SFXN2: variants seen among roughly 807,000 people sequenced by gnomAD.
SFXN2 encodes the protein sideroflexin-2.
SFXN2 carries 37 observed loss-of-function variants against 41.9 expected under a neutral mutation model. That is an observed-to-expected ratio of 0.88 (90% CI 0.68 to 1.16). The LOEUF is 1.16. SFXN2 is among the 50% of genes most tolerant of loss of function. The pLI is 0.00. For missense variants in SFXN2, 386 were observed against 425.2 expected, an observed-to-expected ratio of 0.91 and a Z score of 0.81; for synonymous variants, 150 against 156.7, an observed-to-expected ratio of 0.96 and a Z score of 0.32.
intron 5 of SFXN2, 132 bp from the exon 6 acceptor site, chr10:102,729,591 C>T: frequency 8.7e-7 from 1 of 1,145,930 alleles, no homozygotes; most frequent in Non-Finnish European, 1.3e-6. Context: ...GTTTGGGGTT[C>T]CCAGACTGGG....
intron 1 of SFXN2, chr10:102,724,913 G>GTTTTTT (rs200568019): frequency 7.0e-6 from 1 of 142,134 alleles, no homozygotes; most frequent in Non-Finnish European, 1.5e-5. Flanking sequence ...TTCAAACTGC[G>GTTTTTT]TTTTTTTTTT....
chr10:102,717,504 C>A (rs924154032), intron 1 of SFXN2, among the ~76,000 whole-genome samples: 1 of 152,068 alleles, frequency 6.6e-6, no homozygotes, highest in Non-Finnish European at 1.5e-5. Context: ...CTACTTTGTT[C>A]CTAGTAGTGG....
intron 9 of SFXN2, among the ~76,000 whole-genome samples, 155 bp from the exon 10 acceptor site, chr10:102,733,399 C>T (rs759219434): frequency 1.3e-5 from 2 of 152,206 alleles, no homozygotes; most frequent in Admixed American, 6.5e-5. Context: ...CTGCCCATCT[C>T]GGTCTCCCAA....
Position 102,728,525 on chromosome 10 carries a change from G to C in SFXN2, c.427G>C (p.Val143Leu), listed in dbSNP as rs1356033298. The change falls in exon 4 of 12, where the codon GTC becomes CTC. Residue 143 changes from valine to leucine, a missense_variant. Val to Leu is a conservative substitution (Grantham distance 32). Coordinates refer to ENST00000369893, the MANE Select transcript of SFXN2 (RefSeq NM_178858.6). ...CAGGAATGCGGCTTCCCCCACATCA[G>C]TCAGGTAGGAGACCTGAACCCCAGG... Reference protein sequence around the residue: ...TNRNAASPTSVRQMALSYFTA... With the variant: ...TNRNAASPTSLRQMALSYFTA... 6.2e-7 allele frequency: 1 copy of C among 1,613,594 alleles called. No individual in the cohort carries two copies. The highest frequency in any genetic ancestry group is 8.5e-7 in the Non-Finnish European group (1 of 1,179,774).
At position 102,732,178 on chromosome 10, in the gene SFXN2, A is replaced by G. The variant is rs780139290; in HGVS notation, c.681A>G (p.Gln227=). The G allele has an allele frequency of 5.6e-6, 9 of 1,614,046 alleles. No individual in the cohort carries two copies. The highest frequency in any genetic ancestry group is 1.7e-4 in the Middle Eastern group (1 of 6,056). ...GAGCTGCGGCCATAGGCATCACCCA[A>G]GTAGTTATTTCTCGGATCACCATGT... The part of the protein sequence containing the change: ...SRRAAAIGIT[Q]VVISRITMSA... Residue 227 remains glutamine (Q), a synonymous_variant, in exon 8 of 12, where the codon CAA becomes CAG. Transcript: ENST00000369893.
At position 102,732,847 on chromosome 10, in the gene SFXN2, G is replaced by T; in HGVS notation, c.722-12G>T. The T allele has an allele frequency of 6.2e-7, 1 of 1,614,004 alleles. No individual in the cohort carries two copies. The highest frequency in any genetic ancestry group is 8.5e-7 in the Non-Finnish European group (1 of 1,179,948). On this transcript the variant is annotated splice_polypyrimidine_tract_variant and intron_variant, in intron 8 of 11. Transcript: ENST00000369893. ...CCAGCCCTCCCCTCAGCTTCTCCCT[G>T]GTCTCTTCCAGTCTTGCTGCCAGTC...
chr10:102,721,128 T>C (rs2064503095), intron 1 of SFXN2, among the ~76,000 whole-genome samples: 1 of 152,182 alleles, frequency 6.6e-6, no homozygotes, highest in Non-Finnish European at 1.5e-5. Context: ...GACTTCAGGA[T>C]TGCCTAGCCA....
rs117788025 is a variant in SFXN2, at chr10:102,726,406, G to C, written c.-25-206G>C. The C allele has an allele frequency of 1.9e-3, 1,064 of 565,138 alleles. 14 individuals carry two copies. The East Asian group carries it at 0.02, about 11-fold the overall frequency. The allele number at this position is 565,138 out of a possible 1,614,324, so 35.0% of individuals were successfully genotyped here. On this transcript the variant is annotated intron_variant, in intron 1 of 11. Coordinates refer to ENST00000369893, the MANE Select transcript of SFXN2 (RefSeq NM_178858.6). ...CCCTCCTGCTGTATGGTCAAGCACA[G>C]AGCTGGCCACCAGCAGGCCCTCAGG...
At chr10:102,718,210 T>C (rs2064446146) in intron 1 of SFXN2, among the ~76,000 whole-genome samples, 2 of 152,244 alleles carry the variant, frequency 1.3e-5, no homozygotes, top group Admixed American at 6.5e-5. Context: ...TTGATGATAG[T>C]CCCTCCATTC....
intron 1 of SFXN2, among the ~76,000 whole-genome samples, chr10:102,721,930 G>A (rs936895686): frequency 5.3e-5 from 8 of 152,024 alleles, no homozygotes; most frequent in African/African-American, 9.7e-5. Flanking sequence ...TTAACATTCC[G>A]CTTCTTTGAA....
chr10:102,726,972 G>C lies in SFXN2; in HGVS notation c.162-15G>C. On this transcript the variant is annotated splice_polypyrimidine_tract_variant and intron_variant, in intron 2 of 11. Transcript: ENST00000369893. ...TCAGGCAGGATGGTGACTGCCTGCTGTCCTTGGGTGGCAGGATGGGGGTTG... is the reference window on the plus strand; with the variant it reads ...TCAGGCAGGATGGTGACTGCCTGCTCTCCTTGGGTGGCAGGATGGGGGTTG... The C allele has an allele frequency of 6.3e-7, 1 of 1,591,476 alleles. No individual in the cohort carries two copies. The highest frequency in any genetic ancestry group is 8.6e-7 in the Non-Finnish European group (1 of 1,162,684).
intron 1 of SFXN2, chr10:102,725,094 G>A (rs2064571990): frequency 6.6e-6 from 1 of 152,054 alleles, no homozygotes; most frequent in Non-Finnish European, 1.5e-5. Flanking sequence ...TATCTCCCTT[G>A]CTGTCTATGG....
intron 1 of SFXN2, chr10:102,714,889 C>G (rs2064382584): frequency 6.5e-6 from 1 of 152,732 alleles, no homozygotes; most frequent in African/African-American, 2.4e-5. Context: ...AGTGCCAGGC[C>G]GAGCGGCTGG....
chr10:102,722,482 T>C (rs1004439774), intron 1 of SFXN2, among the ~76,000 whole-genome samples: 4 of 152,228 alleles, frequency 2.6e-5, no homozygotes, highest in African/African-American at 9.6e-5. Flanking sequence ...ACGTATCTGT[T>C]TGTTAACTGT....
At chr10:102,730,191 G>A (rs560074715) in intron 6 of SFXN2, among the ~76,000 whole-genome samples, 13 of 152,280 alleles carry the variant, frequency 8.5e-5, no homozygotes, top group African/African-American at 3.1e-4. Context: ...TCTAAAGATA[G>A]CATAGAACCC....
At chr10:102,718,950 G>A (rs1252803710) in intron 1 of SFXN2, among the ~76,000 whole-genome samples, 24 of 136,672 alleles carry the variant, frequency 1.8e-4, no homozygotes, top group Middle Eastern at 3.8e-3. Flanking sequence ...TTTGAGACAG[G>A]GTCTTGCTAT....
Position 102,729,405 on chromosome 10 carries a change from G to A in SFXN2, c.507+11G>A. The A allele has an allele frequency of 6.2e-7, 1 of 1,613,864 alleles. No individual in the cohort carries two copies. Among genetic ancestry groups the A allele is most frequent in the Non-Finnish European group, 8.5e-7 (1 of 1,179,910 alleles). ...AACATGTTGACAAAGGTATGGTCTG[G>A]GGCCGCTGCAGCATGGTGGCCACGC... On this transcript the variant is annotated intron_variant, in intron 5 of 11. Coordinates refer to ENST00000369893, the MANE Select transcript of SFXN2 (RefSeq NM_178858.6).
At position 102,731,788 on chromosome 10, in the gene SFXN2, G is replaced by A. The variant is rs781573145; in HGVS notation, c.654+5G>A. On this transcript the variant is annotated splice_donor_5th_base_variant and intron_variant, in intron 7 of 11. Coordinates refer to ENST00000369893, the MANE Select transcript of SFXN2 (RefSeq NM_178858.6). ...AATGAGATTGGTCATTCCCGGGTGA[G>A]CAGAGGCCTCCCTTTGGGGTGGGAG... 4 of 1,613,550 alleles carry A rather than the reference G, an allele frequency of 2.5e-6. No homozygotes were observed. The highest frequency in any genetic ancestry group is 2.2e-5 in the East Asian group (1 of 44,876).
intron 1 of SFXN2, among the ~76,000 whole-genome samples, chr10:102,720,305 A>C (rs1411075558): frequency 6.7e-6 from 1 of 150,048 alleles, no homozygotes; most frequent in Admixed American, 6.6e-5. Context: ...AAAAAAAAAA[A>C]AAAAAAAAAA....
Sources: allele counts gnomAD v4.1 joint callset (sites outside exome capture counted in the v4.1 genomes callset), GRCh38; gene constraint gnomAD v4.1.1; transcripts MANE v1.5; gene names NCBI Gene and HGNC (gene_info 2026-07-23, HGNC 2026-07-21).